Variants in CSMD1 observed in about 807,000 individuals in gnomAD.
CSMD1 encodes the protein CUB and Sushi multiple domains 1.
A neutral mutation model predicts 417.5 loss-of-function variants in CSMD1; 213 were observed. The ratio of observed to expected loss-of-function variants is 0.51; its 90% CI spans 0.46 to 0.57. CSMD1 has a LOEUF of 0.57. Ranked by LOEUF, CSMD1 falls within the 20% of genes least tolerant of loss-of-function variation. The probability of loss-of-function intolerance (pLI) is 0.00; values close to 1 mark genes in which losing one functional copy is unlikely to be tolerated. For missense variants in CSMD1, 6,923 were observed against 4,529.7 expected (o/e 1.53, Z -15.17); for synonymous variants, 2,862 against 1,736.8 (o/e 1.65, Z -16.11).
intron 3 of CSMD1, among the ~76,000 whole-genome samples, chr8:4,098,949 A>T (rs956611279): frequency 2.6e-5 from 4 of 152,182 alleles, no homozygotes; most frequent in African/African-American, 9.7e-5. Context: ...AAAATGTTAA[A>T]ACTGTTTTAC....
chr8:4,097,455 G>T (rs1392920018), intron 3 of CSMD1, among the ~76,000 whole-genome samples: 1 of 152,132 alleles, frequency 6.6e-6, no homozygotes, highest in Non-Finnish European at 1.5e-5. Context: ...TTCATTAAAG[G>T]GGGTTGTAAT....
intron 4 of CSMD1, among the ~76,000 whole-genome samples, chr8:4,030,810 T>A (rs563185581): frequency 6.6e-6 from 1 of 152,280 alleles, no homozygotes; most frequent in East Asian, 1.9e-4. Context: ...ACTGAAAGCT[T>A]TACAGCACCC....
intron 3 of CSMD1, among the ~76,000 whole-genome samples, chr8:4,045,755 A>T (rs1197224477): frequency 6.6e-6 from 1 of 152,224 alleles, no homozygotes; most frequent in Non-Finnish European, 1.5e-5. Context: ...GAACTGTGAA[A>T]CACAAAGACT....
rs149806071 is a variant in CSMD1, at chr8:4,018,823, G to A, written c.610+13082C>T. 2.8e-3 allele frequency among the ~76,000 whole-genome samples: 423 copies of A among 152,300 alleles called. 1 individual carries two copies. Among genetic ancestry groups the A allele is most frequent in the African/African-American group, 9.8e-3 (406 of 41,576 alleles). On this transcript the variant is annotated intron_variant, in intron 4 of 69. Coordinates refer to ENST00000635120, the MANE Select transcript of CSMD1 (RefSeq NM_033225.6). ...TCTGCCTTCCCCACATACAGCGTGG[G>A]ACCTTGGTGAAGTCACTGAATTCCT...
chr8:4,618,859 T>C (rs988070021), intron 2 of CSMD1, among the ~76,000 whole-genome samples: 3 of 152,290 alleles, frequency 2.0e-5, no homozygotes, highest in Non-Finnish European at 4.4e-5. Flanking sequence ...GTGTGGTATA[T>C]GAAATACAAG....
intron 3 of CSMD1, among the ~76,000 whole-genome samples, chr8:4,400,013 A>T (rs1454875743): frequency 1.3e-5 from 2 of 152,146 alleles, no homozygotes; most frequent in Non-Finnish European, 2.9e-5. Flanking sequence ...TTCCCACACC[A>T]TCTAGTGGAG....
At chr8:4,192,538 G>A (rs527387489) in intron 3 of CSMD1, among the ~76,000 whole-genome samples, 1 of 151,992 alleles carries the variant, frequency 6.6e-6, no homozygotes. Context: ...TCAGCAACAG[G>A]GGCTTTTATC....
At chr8:3,558,535 T>G (rs914760024) in intron 10 of CSMD1, among the ~76,000 whole-genome samples, 1 of 149,038 alleles carries the variant, frequency 6.7e-6, no homozygotes, top group Admixed American at 6.6e-5. Flanking sequence ...CCTCCAACGA[T>G]GAACGGTGTC....
chr8:3,551,390 G>C (rs780552585), intron 10 of CSMD1, among the ~76,000 whole-genome samples: 1 of 151,986 alleles, frequency 6.6e-6, no homozygotes, highest in Non-Finnish European at 1.5e-5. Context: ...GTAGATGCAG[G>C]GGGTAAATGC....
chr8:3,661,341 C>T lies in CSMD1; in HGVS notation c.1010-44544G>A, dbSNP rs568248789. ...GGCAAATGCCAACCTGCAACCAATC[C>T]AGCTGTTTCTCCACCTCACTGCAGA... On this transcript the variant is annotated intron_variant, in intron 7 of 69. Coordinates refer to ENST00000635120, the MANE Select transcript of CSMD1 (RefSeq NM_033225.6). 1.8e-4 allele frequency among the ~76,000 whole-genome samples: 27 copies of T among 152,264 alleles called. 2 individuals carry two copies. The South Asian group carries it at 5.2e-3, about 29-fold the overall frequency.
At chr8:3,697,023 G>A (rs1469994254) in intron 7 of CSMD1, among the ~76,000 whole-genome samples, 2 of 152,102 alleles carry the variant, frequency 1.3e-5, no homozygotes, top group Non-Finnish European at 2.9e-5. Context: ...GGTGAATGTG[G>A]TCACATTCCT....
chr8:4,156,907 C>T (rs891485439), intron 3 of CSMD1, among the ~76,000 whole-genome samples: 8 of 152,110 alleles, frequency 5.3e-5, no homozygotes, highest in Non-Finnish European at 1.2e-4. Context: ...TTTTTCTTAC[C>T]TCTCCGGACA....
intron 5 of CSMD1, among the ~76,000 whole-genome samples, chr8:3,928,304 G>C (rs759300377): frequency 1.3e-5 from 2 of 152,136 alleles, no homozygotes; most frequent in African/African-American, 4.8e-5. Context: ...TCAACTTCTT[G>C]AATGTATTTT....
intron 3 of CSMD1, among the ~76,000 whole-genome samples, chr8:4,160,976 T>C (rs964286998): frequency 3.7e-4 from 57 of 152,184 alleles, no homozygotes; most frequent in Admixed American, 2.6e-4. Flanking sequence ...ATAAAAATTG[T>C]TAATTATTCT....
At chr8:3,392,655 C>T (rs1478738726) in intron 17 of CSMD1, among the ~76,000 whole-genome samples, 1 of 152,078 alleles carries the variant, frequency 6.6e-6, no homozygotes, top group Non-Finnish European at 1.5e-5. Flanking sequence ...TGATTAAAAG[C>T]TCAGGATTCT....
In CSMD1 at chr8:4,869,348, C is replaced by T. The variant is rs150209189; in HGVS notation, c.85+124984G>A. Among the ~76,000 whole-genome samples the T allele has an allele frequency of 5.3e-3, 804 of 151,990 alleles. 13 individuals are homozygous for T. The highest frequency in any genetic ancestry group is 0.018 in the African/African-American group (745 of 41,400). On this transcript the variant is annotated intron_variant, in intron 1 of 69. Transcript: ENST00000635120. The stretch of plus-strand genomic sequence containing the variant: ...GTCTGTAGGGAAACTGGATCTCTTT[C>T]CTTTATGTTAATGCTCTCTGTATTT...
chr8:4,667,154 C>T (rs554892584), intron 1 of CSMD1, among the ~76,000 whole-genome samples: 134 of 152,116 alleles, frequency 8.8e-4, no homozygotes, highest in African/African-American at 3.0e-3. Context: ...AAATATTGTT[C>T]GGCCACATAT....
chr8:4,983,127 C>T (rs894857686), intron 1 of CSMD1, among the ~76,000 whole-genome samples: 1 of 152,138 alleles, frequency 6.6e-6, no homozygotes, highest in Non-Finnish European at 1.5e-5. Context: ...AACAGAAACA[C>T]AATTGAATCA....
rs1005903949 is a variant in CSMD1 at position 3,091,765 on chromosome 8, C to G, written c.7139-103G>C. 3 of 922,086 alleles carry G rather than the reference C, an allele frequency of 3.3e-6. No homozygotes were observed. In the East Asian group the frequency reaches 8.8e-5, roughly 27 times the overall value. The allele number at this position is 922,086 out of a possible 1,614,324, so 57.1% of individuals were successfully genotyped here. On this transcript the variant is annotated intron_variant, in intron 47 of 69. Transcript: ENST00000635120. ...TACACTGGAGTCTACGTGTGCAATA[C>G]ACAGATATAATTATTACAAAAGTGG...
Sources: gnomAD v4.1 joint callset for allele counts (sites outside exome capture counted in the v4.1 genomes callset) on GRCh38, gnomAD v4.1.1 for gene constraint, MANE v1.5 for transcripts, NCBI Gene and HGNC (gene_info 2026-07-23, HGNC 2026-07-21) for gene names.